Variants in SH3TC2 observed in about 807,000 individuals in gnomAD.
SH3TC2 encodes the protein SH3 domain and tetratricopeptide repeat-containing protein 2.
SH3TC2 carries 87 observed loss-of-function variants against 124.5 expected under a neutral mutation model. The observed-to-expected ratio is 0.70, with a 90% CI of 0.59 to 0.84. The LOEUF is 0.84. Among genes scored for constraint, SH3TC2 ranks in the 40% least tolerant of loss-of-function variants. SH3TC2 has a pLI of 0.00. For missense variants in SH3TC2, 1,536 were observed against 1,566.4 expected (o/e 0.98, Z 0.33); for synonymous variants, 634 against 628.5 (o/e 1.01, Z -0.13).
chr5:149,041,274 A>G, intron 6 of SH3TC2, 142 bp downstream of exon 6: 1 of 832,466 alleles, frequency 1.2e-6, no homozygotes, highest in Non-Finnish European at 1.9e-6. Context: ...AGAAAAGAAA[A>G]AGACAGAAAG....
chr5:148,984,433 T>A lies in SH3TC2; in HGVS notation c.*20278A>T, dbSNP rs1158635261. Among the ~76,000 whole-genome samples the A allele has an allele frequency of 6.6e-6, 1 of 152,128 alleles. No individual in the cohort carries two copies. Among genetic ancestry groups the A allele is most frequent in the Non-Finnish European group, 1.5e-5 (1 of 68,016 alleles). ...ATGCCATATAAATACCAACTCCACT[T>A]GACTTATAGTGACTTCCTGAAGAAC... On this transcript the variant is annotated 3_prime_UTR_variant, in exon 17 of 17. Coordinates refer to ENST00000515425, the MANE Select transcript of SH3TC2 (RefSeq NM_024577.4).
chr5:149,056,335 C>T (rs562965670), intron 1 of SH3TC2, among the ~76,000 whole-genome samples: 1 of 152,290 alleles, frequency 6.6e-6, no homozygotes, highest in East Asian at 1.9e-4. Flanking sequence ...TATCATTTAG[C>T]TCCCACTTAT....
At position 148,984,176 on chromosome 5, in the gene SH3TC2, A is replaced by G. The variant is rs530249182; in HGVS notation, c.*20535T>C. Among the ~76,000 whole-genome samples the G allele has an allele frequency of 6.6e-6, 1 of 152,230 alleles. No individual in the cohort carries two copies. The highest frequency in any genetic ancestry group is 2.4e-5 in the African/African-American group (1 of 41,546). On this transcript the variant is annotated 3_prime_UTR_variant, in exon 17 of 17. Transcript: ENST00000515425. Reference sequence around the variant, plus strand: ...TCTGAAATTGCATTATGTAAATATTAGTTCTCTTGATGGTTTCCCATAGAT... The same window carrying G: ...TCTGAAATTGCATTATGTAAATATTGGTTCTCTTGATGGTTTCCCATAGAT...
At chr5:149,038,541 C>T (rs1375196583) in intron 7 of SH3TC2, 51 bp from the exon 8 acceptor site, 9 of 1,558,024 alleles carry the variant, frequency 5.8e-6, no homozygotes, top group South Asian at 2.2e-5. Flanking sequence ...ACAGCTGAGC[C>T]TCCCATCACC....
chr5:149,016,174 A>G (rs1753869995), intron 12 of SH3TC2, among the ~76,000 whole-genome samples: 1 of 152,168 alleles, frequency 6.6e-6, no homozygotes, highest in African/African-American at 2.4e-5. Context: ...GATCAGTACT[A>G]TTATCATATT....
rs1753567534 is a variant in SH3TC2, at chr5:148,999,825, C to T, written c.*4886G>A. On this transcript the variant is annotated 3_prime_UTR_variant, in exon 17 of 17. Coordinates refer to ENST00000515425, the MANE Select transcript of SH3TC2 (RefSeq NM_024577.4). Reference sequence around the variant, plus strand: ...ATGTTTCTTTCAACTGCTTATAATCCTTCTATACCTTCCCCTCAACCTCCA... The same window carrying T: ...ATGTTTCTTTCAACTGCTTATAATCTTTCTATACCTTCCCCTCAACCTCCA... 6.6e-6 allele frequency among the ~76,000 whole-genome samples: 1 copy of T among 152,036 alleles called. No homozygotes were observed. The highest frequency in any genetic ancestry group is 2.4e-5 in the African/African-American group (1 of 41,396).
intron 3 of SH3TC2, 183 bp from the exon 4 acceptor site, chr5:149,044,821 C>A: frequency 1.7e-6 from 1 of 583,372 alleles, no homozygotes. Flanking sequence ...TACAATTTAT[C>A]CATAAAGTGA....
rs191877271 is a variant in SH3TC2 at position 149,008,814 on chromosome 5, C to G, written c.3478+37G>C. ...GCTGTCTATCCTTGACTAATCACCCCTCTCATTCAACACACCCAATAGTGA... is the reference window on the plus strand; with the variant it reads ...GCTGTCTATCCTTGACTAATCACCCGTCTCATTCAACACACCCAATAGTGA... On this transcript the variant is annotated intron_variant, in intron 15 of 16. Transcript: ENST00000515425. The G allele has an allele frequency of 5.4e-4, 879 of 1,613,120 alleles. 3 individuals carry two copies. In the African/African-American group the frequency reaches 0.01, roughly 19 times the overall value.
At chr5:149,059,695 A>C (rs1223167545) in intron 1 of SH3TC2, among the ~76,000 whole-genome samples, 1 of 152,170 alleles carries the variant, frequency 6.6e-6, no homozygotes, top group Non-Finnish European at 1.5e-5. Context: ...TTAAGTTTTA[A>C]AGTCTGCAAA....
Position 149,052,256 on chromosome 5 carries a change from T to C in SH3TC2, c.53-16A>G. ...GTTTCTTTACCTGGAGAAGATGAAA[T>C]AAAAGGTCATCTTAAGAGTGTAAGG... On this transcript the variant is annotated splice_polypyrimidine_tract_variant and intron_variant, in intron 1 of 16. Transcript: ENST00000515425. 6.4e-7 allele frequency: 1 copy of C among 1,570,212 alleles called. No individual in the cohort carries two copies. Among genetic ancestry groups the C allele is most frequent in the Non-Finnish European group, 8.8e-7 (1 of 1,140,390 alleles).
At chr5:149,062,237 A>G in intron 1 of SH3TC2, 1 of 438,912 alleles carries the variant, frequency 2.3e-6, no homozygotes, top group Non-Finnish European at 4.6e-6. Context: ...CCCCAAAGCC[A>G]CCACTCATCC....
rs1753434240 is a variant in SH3TC2, at chr5:148,992,487, C to A, written c.*12224G>T. Among the ~76,000 whole-genome samples the A allele has an allele frequency of 6.6e-6, 1 of 151,974 alleles. No homozygotes were observed. Among genetic ancestry groups the A allele is most frequent in the Non-Finnish European group, 1.5e-5 (1 of 68,006 alleles). On this transcript the variant is annotated 3_prime_UTR_variant, in exon 17 of 17. Transcript: ENST00000515425. ...ACCCTGGACAGGTCCTGACAGATTA[C>A]CGAGACTGAGGTTTTTAACTCATCA...
chr5:149,009,030 T>G (rs747074575), intron 14 of SH3TC2, 29 bp from the exon 15 acceptor site: 1 of 1,613,916 alleles, frequency 6.2e-7, no homozygotes, highest in Admixed American at 1.7e-5. Flanking sequence ...GGAACCTTAG[T>G]CTAGCTAGGA....
intron 15 of SH3TC2, chr5:149,008,111 A>G (rs565664816): frequency 6.5e-6 from 1 of 153,288 alleles, no homozygotes; most frequent in East Asian, 1.9e-4. Context: ...AAAGTCCGGT[A>G]TCATCCACAC....
chr5:149,045,913 G>A lies in SH3TC2; in HGVS notation c.280-1275C>T, dbSNP rs530975735. On this transcript the variant is annotated intron_variant, in intron 3 of 16. Transcript: ENST00000515425. ...ACCCACCTTGGCCTCCCAAAGTGCT[G>A]GGATTACAGGCGTGAGCCACCGCAC... 198 of 369,180 alleles carry A rather than the reference G, an allele frequency of 5.4e-4. 3 individuals are homozygous for A. The highest frequency in any genetic ancestry group is 3.8e-3 in the South Asian group (194 of 50,404). The allele number at this position is 369,180 out of a possible 1,614,324, so 22.9% of individuals were successfully genotyped here. A position where few individuals can be genotyped will look rare whatever the true frequency, so the allele number is the denominator to read the frequency against.
At chr5:149,020,958 C>T (rs1024456178) in intron 12 of SH3TC2, among the ~76,000 whole-genome samples, 2 of 152,076 alleles carry the variant, frequency 1.3e-5, no homozygotes, top group African/African-American at 4.8e-5. Context: ...TATTTATAGA[C>T]TACACCAAAC....
chr5:149,016,541 G>T (rs1365871511), intron 12 of SH3TC2, among the ~76,000 whole-genome samples: 1 of 152,148 alleles, frequency 6.6e-6, no homozygotes, highest in Non-Finnish European at 1.5e-5. Context: ...GAAAAGAATT[G>T]CTTCTGTGTT....
At chr5:149,010,596 G>C (rs1231092256) in intron 13 of SH3TC2, among the ~76,000 whole-genome samples, 2 of 152,128 alleles carry the variant, frequency 1.3e-5, no homozygotes, top group African/African-American at 4.8e-5. Context: ...TGTTATGAGA[G>C]ATTGCTTTTG....
rs1009104584 is a variant in SH3TC2, at chr5:148,996,647, C to T, written c.*8064G>A. On this transcript the variant is annotated 3_prime_UTR_variant, in exon 17 of 17. Coordinates refer to ENST00000515425, the MANE Select transcript of SH3TC2 (RefSeq NM_024577.4). Reference sequence around the variant, plus strand: ...TGTCTGGTACAATGTTCAAAGAATTCAGGGGCATTCCTATGAATGTCTCTA... The same window carrying T: ...TGTCTGGTACAATGTTCAAAGAATTTAGGGGCATTCCTATGAATGTCTCTA... Among the ~76,000 whole-genome samples the T allele has an allele frequency of 3.3e-5, 5 of 152,164 alleles. No homozygotes were observed. The highest frequency in any genetic ancestry group is 1.5e-5 in the Non-Finnish European group (1 of 68,038).
Sources: gnomAD v4.1 joint callset for allele counts (sites outside exome capture counted in the v4.1 genomes callset) on GRCh38, gnomAD v4.1.1 for gene constraint, MANE v1.5 for transcripts, NCBI Gene and HGNC (gene_info 2026-07-23, HGNC 2026-07-21) for gene names.